Variants in RCL1 observed in about 807,000 individuals in gnomAD.
RCL1 encodes RNA 3'-terminal phosphate cyclase-like protein.
RCL1 carries 24 observed loss-of-function variants against 42.4 expected under a neutral mutation model. That is an observed-to-expected ratio of 0.57 (90% confidence interval 0.41 to 0.80). RCL1 has a LOEUF of 0.80. RCL1 is among the 30% of genes least tolerant of loss of function. The pLI is 0.00. For synonymous variants in RCL1, 228 were observed against 177.3 expected (o/e 1.29, Z -2.27); for missense variants, 578 against 467.9 (o/e 1.24, Z -2.17).
chr9:4,837,807 G>C (rs916761442), intron 5 of RCL1, among the ~76,000 whole-genome samples: 2 of 152,176 alleles, frequency 1.3e-5, no homozygotes, highest in African/African-American at 4.8e-5. Context: ...TCTGAGCCAG[G>C]AAGAGACTTG....
At chr9:4,819,663 T>C (rs1028419695) in intron 1 of RCL1, among the ~76,000 whole-genome samples, 74 of 152,112 alleles carry the variant, frequency 4.9e-4, no homozygotes, top group Middle Eastern at 3.4e-3. Flanking sequence ...AAAAATTAGC[T>C]GGGCGTGGTG....
At chr9:4,812,653 T>C (rs544795232) in intron 1 of RCL1, among the ~76,000 whole-genome samples, 2 of 151,302 alleles carry the variant, frequency 1.3e-5, no homozygotes, top group Non-Finnish European at 1.5e-5. Flanking sequence ...GAATATTAGG[T>C]TTTTTTTTCT....
At chr9:4,848,804 G>A (rs757694504) in intron 7 of RCL1, among the ~76,000 whole-genome samples, 8 of 152,110 alleles carry the variant, frequency 5.3e-5, no homozygotes, top group Non-Finnish European at 1.0e-4. Flanking sequence ...TGGAAGAAAG[G>A]GAAGGAAAAG....
chr9:4,817,727 G>A (rs1328718659), intron 1 of RCL1, among the ~76,000 whole-genome samples: 2 of 151,834 alleles, frequency 1.3e-5, no homozygotes, highest in Non-Finnish European at 2.9e-5. Flanking sequence ...GAACACCTGG[G>A]CTCAAGTAAT....
At chr9:4,801,757 C>G (rs1460256907) in intron 1 of RCL1, among the ~76,000 whole-genome samples, 1 of 150,252 alleles carries the variant, frequency 6.7e-6, no homozygotes, top group Non-Finnish European at 1.5e-5. Flanking sequence ...AGCCAATTGC[C>G]CAAGCATCAT....
rs963363007 is a variant in RCL1, at chr9:4,833,251, C to G, written c.459+23C>G. On this transcript the variant is annotated intron_variant, in intron 4 of 8. Coordinates refer to ENST00000381750, the MANE Select transcript of RCL1 (RefSeq NM_005772.5). ...AAGGTAAGAATGTTTGAACTGTTGA[C>G]CATATGTTCCTGTGGAAAACATTTT... 3.2e-6 allele frequency: 5 copies of G among 1,553,410 alleles called. No individual in the cohort carries two copies. The African/African-American group carries it at 5.4e-5, about 17-fold the overall frequency.
intron 7 of RCL1, among the ~76,000 whole-genome samples, chr9:4,848,306 A>G (rs1295176120): frequency 6.6e-6 from 1 of 152,258 alleles, no homozygotes; most frequent in African/African-American, 2.4e-5. Context: ...GACGTGCAAT[A>G]GATTTTCATA....
chr9:4,857,849 C>G lies in RCL1; in HGVS notation c.972-2276C>G, dbSNP rs901862343. On this transcript the variant is annotated intron_variant, in intron 8 of 8. Coordinates refer to ENST00000381750, the MANE Select transcript of RCL1 (RefSeq NM_005772.5). ...TATTTCACAGTGGTTTTGATTTTCA[C>G]TTCCCTAATAACCAGTGATGTTGAG... Among the ~76,000 whole-genome samples, 3 of 150,952 alleles carry G rather than the reference C, an allele frequency of 2.0e-5. No homozygotes were observed. In the South Asian group the frequency reaches 6.3e-4, roughly 32 times the overall value.
In RCL1 at chr9:4,799,564, T is replaced by C. The variant is rs370538011; in HGVS notation, c.136+6337T>C. ...CTCAGTTTCCTCCTTCCCCCACTTC[T>C]TCCTTAACCCTTGTCAGTCTCTAAT... On this transcript the variant is annotated intron_variant, in intron 1 of 8. Transcript: ENST00000381750. 3.3e-5 allele frequency among the ~76,000 whole-genome samples: 5 copies of C among 152,340 alleles called. No individual in the cohort carries two copies. The East Asian group carries it at 5.8e-4, about 18-fold the overall frequency.
chr9:4,850,441 G>C, intron 8 of RCL1: 1 of 339,338 alleles, frequency 2.9e-6, no homozygotes, highest in Middle Eastern at 7.8e-4. Flanking sequence ...ATGGCGTTGG[G>C]GGCATGAAAA....
intron 1 of RCL1, among the ~76,000 whole-genome samples, chr9:4,807,913 A>T (rs1428720621): frequency 6.6e-6 from 1 of 152,004 alleles, no homozygotes; most frequent in Non-Finnish European, 1.5e-5. Context: ...GTCAGAAAAC[A>T]TTCTCTGTAT....
Position 4,829,978 on chromosome 9 carries a change from A to G in RCL1, c.384+2945A>G, listed in dbSNP as rs562343999. 2.0e-5 allele frequency among the ~76,000 whole-genome samples: 3 copies of G among 152,304 alleles called. No homozygotes were observed. In the South Asian group the frequency reaches 6.2e-4, roughly 32 times the overall value. On this transcript the variant is annotated intron_variant, in intron 3 of 8. Transcript: ENST00000381750. ...ATTAGGGTTTCTGCCCCATGGTCCAAGGGACTGAGAATGGAAGAAGGAGAA... is the reference window on the plus strand; with the variant it reads ...ATTAGGGTTTCTGCCCCATGGTCCAGGGGACTGAGAATGGAAGAAGGAGAA...
intron 2 of RCL1, among the ~76,000 whole-genome samples, chr9:4,825,532 TA>T (rs369982447): frequency 9.8e-5 from 15 of 152,328 alleles, no homozygotes; most frequent in African/African-American, 3.6e-4. Context: ...TTTAATGTAG[TA>T]AAACCTACAT....
chr9:4,832,186 T>C (rs553963979), intron 3 of RCL1, among the ~76,000 whole-genome samples: 199 of 152,354 alleles, frequency 1.3e-3, no homozygotes, highest in African/African-American at 4.4e-3. Flanking sequence ...TCCTGGGAGC[T>C]CTGAATGCAG....
intron 1 of RCL1, among the ~76,000 whole-genome samples, chr9:4,807,438 G>A (rs923559511): frequency 6.6e-6 from 1 of 151,868 alleles, no homozygotes; most frequent in East Asian, 1.9e-4. Flanking sequence ...CATAAATTTT[G>A]GTATATTTCA....
chr9:4,792,986 C>G lies in RCL1; in HGVS notation c.-106C>G. The G allele has an allele frequency of 7.4e-7, 1 of 1,349,250 alleles. No individual in the cohort carries two copies. Among genetic ancestry groups the G allele is most frequent in the Non-Finnish European group, 1.0e-6 (1 of 1,003,272 alleles). The allele number at this position is 1,349,250 out of a possible 1,614,324, so 83.6% of individuals were successfully genotyped here. On this transcript the variant is annotated 5_prime_UTR_variant, in exon 1 of 9. Coordinates refer to ENST00000381750, the MANE Select transcript of RCL1 (RefSeq NM_005772.5). ...CTGGGCTGCTGGAGGCAGCCCGAGC[C>G]GCCGCCGTCGGTGTCGCCGCCACCA...
intron 2 of RCL1, among the ~76,000 whole-genome samples, chr9:4,826,078 AAAAG>A (rs199517345): frequency 4.5e-4 from 69 of 151,666 alleles, no homozygotes; most frequent in African/African-American, 7.8e-4. Flanking sequence ...ATAAAGAAAA[AAAAG>A]AAAGAAAGAA....
At chr9:4,854,484 G>C (rs79457037) in intron 8 of RCL1, among the ~76,000 whole-genome samples, 6 of 152,250 alleles carry the variant, frequency 3.9e-5, no homozygotes, top group African/African-American at 7.2e-5. Context: ...ATATCCAGTG[G>C]CATAGTAACC....
At chr9:4,854,265 A>C (rs1817856850) in intron 8 of RCL1, among the ~76,000 whole-genome samples, 3 of 152,196 alleles carry the variant, frequency 2.0e-5, no homozygotes, top group African/African-American at 7.2e-5. Context: ...CAGTAACTGA[A>C]TGTAGTAATT....
Sources: gnomAD v4.1 joint callset for allele counts (sites outside exome capture counted in the v4.1 genomes callset) on GRCh38, gnomAD v4.1.1 for gene constraint, MANE v1.5 for transcripts, NCBI Gene and HGNC (gene_info 2026-07-23, HGNC 2026-07-21) for gene names.